The following ATP11A variants were observed in gnomAD, a reference collection of about 807,000 sequenced individuals.
ATP11A encodes the protein ATPase phospholipid transporting 11A, also known as phospholipid-transporting ATPase IH.
A neutral mutation model predicts 154.4 loss-of-function variants in ATP11A; 81 were observed. The ratio of observed to expected loss-of-function variants is 0.52; its 90% CI spans 0.44 to 0.63. The LOEUF (loss-of-function observed/expected upper bound fraction) is 0.63. Ranked by LOEUF, ATP11A falls within the 30% of genes least tolerant of loss-of-function variation. The pLI, the probability that ATP11A is intolerant of heterozygous loss-of-function variation, is 0.00. For missense variants in ATP11A, 1,316 were observed against 1,474.3 expected (o/e 0.89, Z 1.76); for synonymous variants, 623 against 585.9 (o/e 1.06, Z -0.91).
At chr13:112,862,294 G>T (rs1029893898) in intron 24 of ATP11A, 146 bp from the exon 25 acceptor site, 1 of 942,454 alleles carries the variant, frequency 1.1e-6, no homozygotes, top group African/African-American at 1.7e-5. Context: ...TGCCACATTT[G>T]TGGCCAGAGC....
chr13:112,790,544 G>A (rs2077821753), intron 2 of ATP11A, among the ~76,000 whole-genome samples: 1 of 149,718 alleles, frequency 6.7e-6, no homozygotes, highest in Admixed American at 6.6e-5. Context: ...TTCACACCGG[G>A]TATTCTGACA....
rs2080982962 is a variant in ATP11A at position 112,886,491 on chromosome 13, T to A, written c.*4625T>A. 1 of 152,368 alleles carries A rather than the reference T, an allele frequency of 6.6e-6. No homozygotes were observed. The highest frequency in any genetic ancestry group is 2.1e-4 in the South Asian group (1 of 4,826). The allele number at this position is 152,368 out of a possible 1,614,324, so 9.4% of individuals were successfully genotyped here. On this transcript the variant is annotated 3_prime_UTR_variant, in exon 30 of 30. Transcript: ENST00000375645. The stretch of plus-strand genomic sequence containing the variant: ...CTACATTTCTTTAGGAAGTTACCCA[T>A]TTGTAACTTTAAAAACAGGAAAAAT...
chr13:112,736,918 G>T (rs1384762839), intron 1 of ATP11A, among the ~76,000 whole-genome samples: 2 of 152,148 alleles, frequency 1.3e-5, no homozygotes, highest in African/African-American at 4.8e-5. Flanking sequence ...CCAGGGCAGC[G>T]TTGGAAGGCT....
chr13:112,816,313 C>T (rs2078644953), intron 6 of ATP11A, 102 bp downstream of exon 6: 3 of 1,474,062 alleles, frequency 2.0e-6, no homozygotes, highest in Non-Finnish European at 2.8e-6. Context: ...GAAAAGTCAC[C>T]GTTTTCATGT....
intron 5 of ATP11A, among the ~76,000 whole-genome samples, chr13:112,812,310 C>G (rs2078524106): frequency 6.6e-6 from 1 of 152,072 alleles, no homozygotes; most frequent in Non-Finnish European, 1.5e-5. Flanking sequence ...CACACCGGCC[C>G]CTTCCTGCCC....
chr13:112,801,414 G>T (rs564437914), intron 2 of ATP11A, among the ~76,000 whole-genome samples: 57 of 150,948 alleles, frequency 3.8e-4, no homozygotes, highest in East Asian at 9.8e-4. Context: ...CTGTTCTTAT[G>T]CAGCATTGTA....
rs374219761 is a variant in ATP11A at position 112,858,350 on chromosome 13, G to A, written c.2667+60G>A. ...CAACAGGTCACGCACAGGGTGGCACGACCCTTGTCTGAGCCACTTGATGCC... is the reference window on the plus strand; with the variant it reads ...CAACAGGTCACGCACAGGGTGGCACAACCCTTGTCTGAGCCACTTGATGCC... On this transcript the variant is annotated intron_variant, in intron 22 of 29. Coordinates refer to ENST00000375645, the MANE Select transcript of ATP11A (RefSeq NM_015205.3). 317 of 1,528,478 alleles carry A rather than the reference G, an allele frequency of 2.1e-4. 5 individuals are homozygous for A. In the South Asian group the frequency reaches 3.5e-3, roughly 17 times the overall value. The allele number at this position is 1,528,478 out of a possible 1,614,324, so 94.7% of individuals were successfully genotyped here.
At chr13:112,741,505 T>A (rs1756076) in intron 1 of ATP11A, among the ~76,000 whole-genome samples, 1 of 152,002 alleles carries the variant, frequency 6.6e-6, no homozygotes, top group African/African-American at 2.4e-5. Context: ...CCAGCACCAT[T>A]ACCCTGGCCT....
In ATP11A at chr13:112,738,578, C is replaced by T. The variant is rs548001266; in HGVS notation, c.40-46557C>T. ...AGATAAGCCGACTGGCTTCATGCAGCGCAGAGCTCCTTTAAGCATTGTGGG... is the reference window on the plus strand; with the variant it reads ...AGATAAGCCGACTGGCTTCATGCAGTGCAGAGCTCCTTTAAGCATTGTGGG... On this transcript the variant is annotated intron_variant, in intron 1 of 29. Coordinates refer to ENST00000375645, the MANE Select transcript of ATP11A (RefSeq NM_015205.3). Among the ~76,000 whole-genome samples the T allele has an allele frequency of 3.9e-5, 6 of 152,298 alleles. No individual in the cohort carries two copies. In the East Asian group the frequency reaches 1.2e-3, roughly 29 times the overall value.
intron 1 of ATP11A, chr13:112,703,298 C>G (rs756622778): frequency 1.3e-5 from 2 of 152,174 alleles, no homozygotes; most frequent in African/African-American, 2.4e-5. Context: ...AACCACACAC[C>G]AATCCTGTCT....
chr13:112,795,080 T>C (rs7981030), intron 2 of ATP11A, among the ~76,000 whole-genome samples: 90,736 of 151,442 alleles, frequency 0.6, 27,964 homozygotes, highest in African/African-American at 0.75. Context: ...CCCGTCTCTA[T>C]TAAAAATACA....
intron 2 of ATP11A, among the ~76,000 whole-genome samples, chr13:112,793,213 T>C (rs1223566314): frequency 6.6e-6 from 1 of 152,096 alleles, no homozygotes; most frequent in Non-Finnish European, 1.5e-5. Context: ...CCCTTTCTTT[T>C]CATTTTTGAG....
At chr13:112,818,481 C>T (rs557856872) in intron 6 of ATP11A, among the ~76,000 whole-genome samples, 1 of 152,342 alleles carries the variant, frequency 6.6e-6, no homozygotes, top group Admixed American at 6.5e-5. Context: ...CAATACTCTT[C>T]CACTAGAAAG....
intron 1 of ATP11A, among the ~76,000 whole-genome samples, chr13:112,715,973 A>G (rs1594391767): frequency 6.6e-6 from 1 of 151,972 alleles, no homozygotes; most frequent in African/African-American, 2.4e-5. Context: ...TGGGTGTGGA[A>G]TTGGGTTTTG....
chr13:112,714,815 C>T (rs1253297650), intron 1 of ATP11A, among the ~76,000 whole-genome samples: 1 of 152,216 alleles, frequency 6.6e-6, no homozygotes, highest in Admixed American at 6.5e-5. Context: ...AACATCTTGT[C>T]TAGATTTATG....
intron 1 of ATP11A, among the ~76,000 whole-genome samples, chr13:112,758,743 T>C (rs1162622572): frequency 6.6e-6 from 1 of 152,220 alleles, no homozygotes; most frequent in Non-Finnish European, 1.5e-5. Flanking sequence ...AAATCTATCT[T>C]GCTAGCTCCT....
rs1402893826 is a variant in ATP11A, at chr13:112,697,084, C to T, written c.39+6629C>T. Among the ~76,000 whole-genome samples, 3 of 152,162 alleles carry T rather than the reference C, an allele frequency of 2.0e-5. No individual in the cohort carries two copies. The highest frequency in any genetic ancestry group is 4.4e-5 in the Non-Finnish European group (3 of 67,992). On this transcript the variant is annotated intron_variant, in intron 1 of 29. Transcript: ENST00000375645. This position sits in a 1 kb window ranked among gnomAD's most constrained non-coding sequence, Gnocchi z 4.0. Reference sequence around the variant, plus strand: ...AGGTGAGGGCCTGGCCAGGTGGGTGCCTGCGTGTCCAGCCTGAGGGGCGGC... The same window carrying T: ...AGGTGAGGGCCTGGCCAGGTGGGTGTCTGCGTGTCCAGCCTGAGGGGCGGC...
At chr13:112,818,211 T>TCGGTGCGCTTGGTGACGGGCAGTGACC (rs1566525946) in intron 6 of ATP11A, among the ~76,000 whole-genome samples, 1 of 146,414 alleles carries the variant, frequency 6.8e-6, no homozygotes, top group African/African-American at 2.5e-5. Flanking sequence ...GGGCAGTGAC[T>TCGGTGCGCTTGGTGACGGGCAGTGACC]GTTGGTGCGC....
chr13:112,782,684 G>A (rs1185221911), intron 1 of ATP11A, among the ~76,000 whole-genome samples: 1 of 152,226 alleles, frequency 6.6e-6, no homozygotes. Context: ...CAGTCCCGGA[G>A]GAGGAGGGCC....
Sources: gnomAD v4.1 joint callset for allele counts (sites outside exome capture counted in the v4.1 genomes callset) on GRCh38, gnomAD v4.1.1 for gene constraint, Gnocchi (gnomAD v3.1) non-coding constraint, MANE v1.5 for transcripts, NCBI Gene and HGNC (gene_info 2026-07-23, HGNC 2026-07-21) for gene names.